Variants in PCDHGA5 observed in about 807,000 individuals in gnomAD.
The protein encoded by PCDHGA5 is protocadherin gamma subfamily A, 5.
A neutral mutation model predicts 56.7 loss-of-function variants in PCDHGA5; 36 were observed. That is an observed-to-expected ratio of 0.64 (90% CI 0.49 to 0.84). The LOEUF is 0.84. Among genes scored for constraint, PCDHGA5 ranks in the 40% least tolerant of loss-of-function variants. PCDHGA5 has a pLI of 0.00. For missense variants in PCDHGA5, 1,305 were observed against 1,201.5 expected (o/e 1.09, Z -1.27); for synonymous variants, 563 against 520.2 (o/e 1.08, Z -1.12).
chr5:141,477,268 C>T lies in PCDHGA5; in HGVS notation c.2422-17539C>T. ...TGACTGACCTGGATGCTGGCGAGAA[C>T]GGGCTGGTGACCTGCGAAGTTCCAC... On this transcript the variant is annotated intron_variant, in intron 1 of 3. Transcript: ENST00000518069. The surrounding 1 kb of genome is among the most constrained non-coding windows in gnomAD (Gnocchi z 4.9). The T allele has an allele frequency of 6.2e-7, 1 of 1,614,196 alleles. No individual in the cohort carries two copies. The highest frequency in any genetic ancestry group is 8.5e-7 in the Non-Finnish European group (1 of 1,180,030).
At chr5:141,498,971 G>A (rs866066098) in intron 2 of PCDHGA5, among the ~76,000 whole-genome samples, 16 of 111,052 alleles carry the variant, frequency 1.4e-4, no homozygotes, top group African/African-American at 2.5e-4. Context: ...GAGGGAGGGA[G>A]GGAAGGAAGG....
At chr5:141,444,757 C>T (rs919228537) in intron 1 of PCDHGA5, among the ~76,000 whole-genome samples, 4 of 152,050 alleles carry the variant, frequency 2.6e-5, no homozygotes, top group African/African-American at 9.7e-5. Flanking sequence ...ATATGTAGTT[C>T]TATTTCTATA....
intron 1 of PCDHGA5, among the ~76,000 whole-genome samples, chr5:141,482,530 CAA>C (rs3074545): frequency 2.5e-4 from 19 of 76,528 alleles, no homozygotes; most frequent in East Asian, 4.2e-4. Context: ...GACAGACATG[CAA>C]AAAAAAAAAA....
In PCDHGA5 at chr5:141,490,951, T is replaced by C. The variant is rs778168052; in HGVS notation, c.2422-3856T>C. 20 of 1,613,640 alleles carry C rather than the reference T, an allele frequency of 1.2e-5. No homozygotes were observed. Among genetic ancestry groups the C allele is most frequent in the Middle Eastern group, 1.6e-4 (1 of 6,084 alleles). On this transcript the variant is annotated intron_variant, in intron 1 of 3. Coordinates refer to ENST00000518069, the MANE Select transcript of PCDHGA5 (RefSeq NM_018918.3). This position sits in a 1 kb window ranked among gnomAD's most constrained non-coding sequence, Gnocchi z 5.4. The stretch of plus-strand genomic sequence containing the variant: ...AGCTGTGCTGCACCCACGGCCAGAC[T>C]GGGAACACTCAGCCCCCCAGCGTCT...
chr5:141,385,288 T>G (rs1781084944), intron 1 of PCDHGA5: 1 of 1,613,250 alleles, frequency 6.2e-7, no homozygotes, highest in Admixed American at 1.7e-5. Context: ...ATCCGTAGAT[T>G]TTCAGGAATG....
rs767291767 is a variant in PCDHGA5, at chr5:141,487,668, T to C, written c.2422-7139T>C. ...CTTGAGGGTTATTCTGATCCAGGCA[T>C]ATGGCTAGGCCATGTCCTAGAGAGT... is the stretch of plus-strand genomic sequence containing the variant. On this transcript the variant is annotated intron_variant, in intron 1 of 3. Transcript: ENST00000518069. The surrounding 1 kb of genome is among the most constrained non-coding windows in gnomAD (Gnocchi z 5.0). 1.9e-6 allele frequency: 3 copies of C among 1,612,658 alleles called. No homozygotes were observed. Among genetic ancestry groups the C allele is most frequent in the South Asian group, 1.1e-5 (1 of 90,650 alleles).
chr5:141,441,905 C>G, intron 1 of PCDHGA5: 1 of 348,464 alleles, frequency 2.9e-6, no homozygotes, highest in Non-Finnish European at 5.5e-6. Flanking sequence ...GCTGTAGACG[C>G]AGATGTGAGA....
At chr5:141,499,287 C>T (rs896428388) in intron 2 of PCDHGA5, among the ~76,000 whole-genome samples, 3 of 152,184 alleles carry the variant, frequency 2.0e-5, no homozygotes, top group Non-Finnish European at 2.9e-5. Context: ...CTGATGGCTC[C>T]ACACTACCAT....
intron 1 of PCDHGA5, chr5:141,389,159 G>C: frequency 6.2e-7 from 1 of 1,613,988 alleles, no homozygotes; most frequent in Non-Finnish European, 8.5e-7. Context: ...CAACAGATCG[G>C]GGCAAGCCTC....
intron 1 of PCDHGA5, chr5:141,411,907 G>A (rs2095522781): frequency 1.3e-5 from 2 of 152,156 alleles, no homozygotes; most frequent in Non-Finnish European, 2.9e-5. Flanking sequence ...TATTGCCTTT[G>A]CACTCAGTCT....
intron 1 of PCDHGA5, among the ~76,000 whole-genome samples, chr5:141,470,268 G>A (rs1349444076): frequency 6.6e-6 from 1 of 152,082 alleles, no homozygotes; most frequent in East Asian, 1.9e-4. Flanking sequence ...GGAGATACAT[G>A]TTTGTTTGAT....
At chr5:141,369,369 T>G (rs1354774956) in intron 1 of PCDHGA5, among the ~76,000 whole-genome samples, 28 of 152,158 alleles carry the variant, frequency 1.8e-4, no homozygotes, top group Admixed American at 1.8e-3. Flanking sequence ...AAAACATCCT[T>G]TGTAAAAGTT....
At position 141,511,032 on chromosome 5, in the gene PCDHGA5, G is replaced by T. The variant is rs779589499; in HGVS notation, c.2655G>T (p.Gln885His). 6.2e-7 allele frequency: 1 copy of T among 1,614,228 alleles called. No individual in the cohort carries two copies. Among genetic ancestry groups the T allele is most frequent in the South Asian group, 1.1e-5 (1 of 91,090 alleles). ...GCTACGGACCCCAGTTCACCCTGCAGCACGTGCCCGACTACCGCCAGAATG... is the reference window on the plus strand; with the variant it reads ...GCTACGGACCCCAGTTCACCCTGCATCACGTGCCCGACTACCGCCAGAATG... ...SARYGPQFTLQHVPDYRQNVY... is the reference protein window; with the variant it reads ...SARYGPQFTLHHVPDYRQNVY... Residue 885 changes from glutamine (Q) to histidine (H), a missense_variant, in exon 4 of 4, where the codon CAG (glutamine) becomes CAT (histidine). Gln to His is a conservative substitution (Grantham distance 24, BLOSUM62 0). Coordinates refer to ENST00000518069, the MANE Select transcript of PCDHGA5 (RefSeq NM_018918.3).
At chr5:141,478,239 C>G in intron 1 of PCDHGA5, 1 of 1,614,132 alleles carries the variant, frequency 6.2e-7, no homozygotes. Flanking sequence ...TTTGTGGTCA[C>G]AGTGTTCGGA....
intron 1 of PCDHGA5, chr5:141,403,649 T>C: frequency 6.2e-7 from 1 of 1,613,874 alleles, no homozygotes; most frequent in Non-Finnish European, 8.5e-7. Context: ...TGTGACAGTG[T>C]TGGATACAAA....
chr5:141,403,120 C>T, intron 1 of PCDHGA5: 2 of 1,614,050 alleles, frequency 1.2e-6, no homozygotes, highest in Non-Finnish European at 1.7e-6. Flanking sequence ...CTCTGGAGCC[C>T]CGGGAGCTGG....
At chr5:141,378,996 A>G (rs1477172762) in intron 1 of PCDHGA5, 1 of 152,260 alleles carries the variant, frequency 6.6e-6, no homozygotes, top group Non-Finnish European at 1.5e-5. Context: ...CATTATAGTC[A>G]AGATTTTTCT....
chr5:141,470,577 C>T (rs75062402), intron 1 of PCDHGA5, among the ~76,000 whole-genome samples: 8,307 of 152,270 alleles, frequency 0.055, 479 homozygotes, highest in African/African-American at 0.15. Flanking sequence ...GCAGGATCAA[C>T]TTCATAGGCA....
chr5:141,412,170 A>G (rs1015665615), intron 1 of PCDHGA5: 2 of 152,230 alleles, frequency 1.3e-5, no homozygotes, highest in Non-Finnish European at 1.5e-5. Context: ...GATTATTTAT[A>G]CTGGTATTAA....
Sources: gnomAD v4.1 joint callset for allele counts (sites outside exome capture counted in the v4.1 genomes callset) on GRCh38, gnomAD v4.1.1 for gene constraint, Gnocchi (gnomAD v3.1) non-coding constraint, MANE v1.5 for transcripts, NCBI Gene and HGNC (gene_info 2026-07-23, HGNC 2026-07-21) for gene names.